The following KCNIP4 variants were observed in gnomAD, a reference collection of about 807,000 sequenced individuals.
The protein encoded by KCNIP4 is potassium voltage-gated channel interacting protein 4.
Under a neutral mutation model 34.0 loss-of-function variants are expected in KCNIP4, and 12 were observed. The ratio of observed to expected loss-of-function variants is 0.35; its 90% CI spans 0.23 to 0.57. The LOEUF (loss-of-function observed/expected upper bound fraction) is 0.57, where lower values mean the gene tolerates loss of function less well. Among genes scored for constraint, KCNIP4 ranks in the 20% least tolerant of loss-of-function variants. KCNIP4 has a pLI of 0.83. For synonymous variants in KCNIP4, 124 were observed against 102.2 expected, an observed-to-expected ratio of 1.21 and a Z score of -1.29; for missense variants, 238 against 311.7, an observed-to-expected ratio of 0.76 and a Z score of 1.78.
chr4:21,618,919 C>T (rs1335158983), intron 1 of KCNIP4, among the ~76,000 whole-genome samples: 1 of 152,024 alleles, frequency 6.6e-6, no homozygotes, highest in Admixed American at 6.6e-5. Flanking sequence ...AGACATGAGC[C>T]ACCGTGCCCG....
intron 1 of KCNIP4, among the ~76,000 whole-genome samples, chr4:21,491,608 A>T (rs1732404690): frequency 6.6e-6 from 1 of 152,114 alleles, no homozygotes; most frequent in African/African-American, 2.4e-5. Context: ...CCTGGGCTCA[A>T]GCAATCCTCC....
intron 1 of KCNIP4, among the ~76,000 whole-genome samples, chr4:21,756,807 A>G (rs1717560896): frequency 6.6e-6 from 1 of 151,692 alleles, no homozygotes; most frequent in African/African-American, 2.4e-5. Flanking sequence ...TCGCTTTTAG[A>G]GAAAATAGGC....
At chr4:20,793,567 C>A (rs1297576585) in intron 3 of KCNIP4, among the ~76,000 whole-genome samples, 3 of 152,126 alleles carry the variant, frequency 2.0e-5, no homozygotes, top group South Asian at 2.1e-4. Context: ...CAGTCCCCAA[C>A]CTTTGTGGCA....
intron 1 of KCNIP4, among the ~76,000 whole-genome samples, chr4:21,826,697 C>A (rs2109299292): frequency 6.6e-6 from 1 of 152,142 alleles, no homozygotes; most frequent in South Asian, 2.1e-4. Context: ...TCCAATTACT[C>A]TCCTAAAACC....
chr4:21,934,305 T>A (rs960014363), intron 1 of KCNIP4, among the ~76,000 whole-genome samples: 8 of 151,984 alleles, frequency 5.3e-5, no homozygotes, highest in Non-Finnish European at 1.0e-4. Flanking sequence ...GTCATTTTCA[T>A]CAATTCCTTC....
chr4:21,577,433 C>T (rs1402994571), intron 1 of KCNIP4, among the ~76,000 whole-genome samples: 9 of 152,026 alleles, frequency 5.9e-5, no homozygotes, highest in Admixed American at 5.9e-4. Flanking sequence ...TGTTCGAGAC[C>T]AGCCTGGCCA....
At chr4:21,348,352 C>A (rs1394792273) in intron 1 of KCNIP4, among the ~76,000 whole-genome samples, 1 of 152,138 alleles carries the variant, frequency 6.6e-6, no homozygotes, top group Non-Finnish European at 1.5e-5. Context: ...GTTGTCTCTG[C>A]CAGGTTATAC....
intron 1 of KCNIP4, among the ~76,000 whole-genome samples, chr4:21,458,957 A>G (rs1577393847): frequency 1.3e-5 from 2 of 152,124 alleles, no homozygotes; most frequent in South Asian, 4.1e-4. Flanking sequence ...TGTGCACAAG[A>G]CTACATCCCC....
chr4:21,222,643 AT>A (rs1758064060), intron 1 of KCNIP4, among the ~76,000 whole-genome samples: 1 of 152,032 alleles, frequency 6.6e-6, no homozygotes. Flanking sequence ...ACTAAGTAAA[AT>A]TTTTTACACT....
intron 1 of KCNIP4, among the ~76,000 whole-genome samples, chr4:21,818,582 A>G (rs749886526): frequency 3.3e-5 from 5 of 152,242 alleles, no homozygotes; most frequent in Non-Finnish European, 7.3e-5. Flanking sequence ...CACCCTAGCC[A>G]GATTTTAAAT....
intron 1 of KCNIP4, among the ~76,000 whole-genome samples, chr4:21,870,257 G>C (rs1018145938): frequency 1.3e-5 from 2 of 152,152 alleles, no homozygotes; most frequent in African/African-American, 2.4e-5. Context: ...GTAAGGCCTA[G>C]AGAAGGGAAC....
rs138887136 is a variant in KCNIP4, at chr4:21,369,438, C to T, written c.62-486729G>A. 4.7e-3 allele frequency among the ~76,000 whole-genome samples: 689 copies of T among 146,858 alleles called. 120 individuals carry two copies. Among genetic ancestry groups the T allele is most frequent in the African/African-American group, 0.018 (653 of 36,666 alleles). ...TTTAGGGATAAGGGAATCAAGAATACTAATAGTAGTTGGCTGGGCATGGTG... is the reference window on the plus strand; with the variant it reads ...TTTAGGGATAAGGGAATCAAGAATATTAATAGTAGTTGGCTGGGCATGGTG... On this transcript the variant is annotated intron_variant, in intron 1 of 8. Transcript: ENST00000382152.
intron 1 of KCNIP4, among the ~76,000 whole-genome samples, chr4:21,795,232 A>C (rs1477498540): frequency 6.6e-6 from 1 of 152,186 alleles, no homozygotes; most frequent in Non-Finnish European, 1.5e-5. Flanking sequence ...GGAAGCGTGC[A>C]CACAGAAGAA....
At chr4:20,889,642 C>G (rs1170038590) in intron 1 of KCNIP4, among the ~76,000 whole-genome samples, 6 of 151,484 alleles carry the variant, frequency 4.0e-5, no homozygotes, top group Admixed American at 2.0e-4. Flanking sequence ...CCTGCTTGGC[C>G]CTAAATGGAA....
At chr4:21,241,054 C>G (rs369594177) in intron 1 of KCNIP4, among the ~76,000 whole-genome samples, 1 of 152,002 alleles carries the variant, frequency 6.6e-6, no homozygotes, top group East Asian at 1.9e-4. Flanking sequence ...TGCTTATATA[C>G]TGGCATACTA....
chr4:21,456,418 A>C (rs1334392556), intron 1 of KCNIP4, among the ~76,000 whole-genome samples: 3 of 148,090 alleles, frequency 2.0e-5, no homozygotes, highest in African/African-American at 5.3e-5. Context: ...TTAGGAATAC[A>C]GTTACATCTT....
intron 1 of KCNIP4, among the ~76,000 whole-genome samples, chr4:21,606,721 G>T (rs1423292889): frequency 6.6e-6 from 1 of 152,140 alleles, no homozygotes; most frequent in Non-Finnish European, 1.5e-5. Flanking sequence ...AGCCTCCCGA[G>T]TAGCTGGGAT....
At chr4:21,837,064 C>A (rs944772878) in intron 1 of KCNIP4, among the ~76,000 whole-genome samples, 7 of 151,048 alleles carry the variant, frequency 4.6e-5, no homozygotes, top group Non-Finnish European at 8.9e-5. Context: ...ACTACAGGGG[C>A]CCGCCACCAC....
intron 1 of KCNIP4, chr4:21,544,436 T>C (rs1737970378): frequency 6.6e-6 from 1 of 152,226 alleles, no homozygotes; most frequent in African/African-American, 2.4e-5. Context: ...GGTTCTCTGC[T>C]GAGAATCTCA....
Sources: allele counts gnomAD v4.1 joint callset (sites outside exome capture counted in the v4.1 genomes callset), GRCh38; gene constraint gnomAD v4.1.1; transcripts MANE v1.5; gene names NCBI Gene and HGNC (gene_info 2026-07-23, HGNC 2026-07-21).